UQCRC2: variants seen among roughly 807,000 people sequenced by gnomAD.
The protein encoded by UQCRC2 is ubiquinol-cytochrome c reductase core protein 2.
A neutral mutation model predicts 55.6 loss-of-function variants in UQCRC2; 49 were observed. The observed-to-expected ratio is 0.88, with a 90% CI of 0.70 to 1.12. The LOEUF (loss-of-function observed/expected upper bound fraction) is 1.12. UQCRC2 is among the 50% of genes most tolerant of loss of function. The pLI is 0.00. For missense variants in UQCRC2, 506 were observed against 547.8 expected, an observed-to-expected ratio of 0.92 and a Z score of 0.76; for synonymous variants, 193 against 192.0, an observed-to-expected ratio of 1.01 and a Z score of -0.04.
intron 10 of UQCRC2, 112 bp from the exon 11 acceptor site, chr16:21,973,784 A>G (rs1253792139): frequency 1.2e-6 from 1 of 850,028 alleles, no homozygotes; most frequent in Non-Finnish European, 1.9e-6. Flanking sequence ...TAAAATATTA[A>G]TCTATTTTGT....
chr16:21,962,545 T>G, intron 5 of UQCRC2, 29 bp downstream of exon 5: 5 of 1,613,998 alleles, frequency 3.1e-6, no homozygotes, highest in Non-Finnish European at 4.2e-6. Context: ...TTAGGACTTC[T>G]GCTTTGAAAG....
At position 21,962,779 on chromosome 16, in the gene UQCRC2, C is replaced by G. The variant is rs375667464; in HGVS notation, c.408C>G (p.Phe136Leu). Residue 136 changes from phenylalanine to leucine, a missense_variant, in exon 6 of 14, where the codon TTC becomes TTG. Transcript: ENST00000268379. ...LRGDVDILME[F>L]LLNVTTAPEF... is the part of the protein sequence containing the mutation. ...TCTGTAGTGATATTCTAATGGAGTT[C>G]CTGCTCAATGTCACCACAGCACCAG... 1.9e-6 allele frequency: 3 copies of G among 1,614,030 alleles called. No homozygotes were observed. The highest frequency in any genetic ancestry group is 2.5e-6 in the Non-Finnish European group (3 of 1,180,014).
intron 3 of UQCRC2, among the ~76,000 whole-genome samples, chr16:21,958,314 A>G (rs1363263787): frequency 6.6e-6 from 1 of 152,232 alleles, no homozygotes; most frequent in Non-Finnish European, 1.5e-5. Flanking sequence ...GAATCCAGTA[A>G]GCTTGTATTT....
chr16:21,961,726 A>G (rs1898211195), intron 4 of UQCRC2, among the ~76,000 whole-genome samples: 1 of 140,664 alleles, frequency 7.1e-6, no homozygotes, highest in Non-Finnish European at 1.5e-5. Flanking sequence ...ATCTTGGCTC[A>G]CTGTAACCTC....
chr16:21,969,874 G>GTT (rs541463462), intron 8 of UQCRC2, among the ~76,000 whole-genome samples: 1 of 143,662 alleles, frequency 7.0e-6, no homozygotes, highest in Non-Finnish European at 1.5e-5. Context: ...CTTTGTTTTT[G>GTT]TTTTTTTTTT....
Position 21,957,416 on chromosome 16 carries a change from G to T in UQCRC2, c.118-1G>T. On this transcript the variant is annotated splice_acceptor_variant, in intron 2 of 13. Coordinates refer to ENST00000268379, the MANE Select transcript of UQCRC2 (RefSeq NM_003366.4). LOFTEE classifies it high-confidence loss of function. ...ATATCTCTACTTTATTTTAAATACA[G>T]TTTACCAAGTTACCAAATGGCTTGG... The T allele has an allele frequency of 6.2e-7, 1 of 1,614,020 alleles. No homozygotes were observed. The highest frequency in any genetic ancestry group is 8.5e-7 in the Non-Finnish European group (1 of 1,180,000).
intron 3 of UQCRC2, 105 bp downstream of exon 3, chr16:21,957,671 G>C: frequency 6.8e-7 from 1 of 1,473,848 alleles, no homozygotes; most frequent in East Asian, 2.3e-5. Flanking sequence ...TCCTTGACCT[G>C]CCATAACAAA....
At chr16:21,954,769 C>T (rs1317414648) in intron 1 of UQCRC2, among the ~76,000 whole-genome samples, 1 of 151,916 alleles carries the variant, frequency 6.6e-6, no homozygotes, top group Admixed American at 6.6e-5. Context: ...ACCGGCGGAG[C>T]GCGATGGCTC....
rs757464251 is a variant in UQCRC2, at chr16:21,957,548, G to C, written c.249G>C (p.Leu83=). The C allele has an allele frequency of 3.1e-6, 5 of 1,614,118 alleles. No individual in the cohort carries two copies. Among genetic ancestry groups the C allele is most frequent in the Non-Finnish European group, 4.2e-6 (5 of 1,180,018 alleles). ...DFSNLGTTHL[L]RLTSSLTTKG... ...GCAATTTAGGAACCACCCATTTGCT[G>C]CGTCTTACATCCAGTCTGGTGAGTA... Residue 83 remains leucine, a synonymous_variant, in exon 3 of 14, where the codon CTG becomes CTC. Transcript: ENST00000268379.
chr16:21,975,521 A>G (rs1032480417), intron 11 of UQCRC2, among the ~76,000 whole-genome samples: 4 of 152,176 alleles, frequency 2.6e-5, no homozygotes, highest in Non-Finnish European at 5.9e-5. Flanking sequence ...GGGATGGAGA[A>G]AATCATGGTC....
chr16:21,958,471 A>G (rs1043409168), intron 3 of UQCRC2, 64 bp from the exon 4 acceptor site: 9 of 1,378,834 alleles, frequency 6.5e-6, no homozygotes, highest in Non-Finnish European at 9.3e-6. Context: ...ATTTTGATAT[A>G]GTGTGATGTT....
At chr16:21,968,536 G>A in intron 7 of UQCRC2, 92 bp from the exon 8 acceptor site, 5 of 1,168,448 alleles carry the variant, frequency 4.3e-6, no homozygotes, top group Non-Finnish European at 6.0e-6. Context: ...GGCCTTATAA[G>A]TATTTATTTT....
intron 7 of UQCRC2, among the ~76,000 whole-genome samples, chr16:21,966,387 A>G (rs911814766): frequency 1.3e-5 from 2 of 152,178 alleles, no homozygotes; most frequent in Admixed American, 1.3e-4. Context: ...TTTCCAAAAC[A>G]TGAAACATTG....
chr16:21,958,690 TTTC>T (rs1898134390), intron 4 of UQCRC2, 91 bp downstream of exon 4: 2 of 1,106,758 alleles, frequency 1.8e-6, no homozygotes, highest in South Asian at 2.8e-5. Context: ...AGGTTGAGGA[TTTC>T]TTAAGCAACA....
At chr16:21,975,525 C>A (rs1312273605) in intron 11 of UQCRC2, among the ~76,000 whole-genome samples, 2 of 152,152 alleles carry the variant, frequency 1.3e-5, no homozygotes, top group Non-Finnish European at 2.9e-5. Context: ...TGGAGAAAAT[C>A]ATGGTCAGAT....
Position 21,957,455 on chromosome 16 carries a change from G to A in UQCRC2, c.156G>A (p.Leu52=), listed in dbSNP as rs780691799. ...KLPNGLVIAS[L]ENYSPVSRIG... ...CAAATGGCTTGGTGATTGCTTCTTT[G>A]GAAAACTATTCTCCTGTATCAAGAA... The change falls in exon 3 of 14, where the codon TTG becomes TTA. Residue 52 remains leucine, a synonymous_variant. Transcript: ENST00000268379. 1 of 1,614,016 alleles carries A rather than the reference G, an allele frequency of 6.2e-7. No homozygotes were observed. The highest frequency in any genetic ancestry group is 2.2e-5 in the East Asian group (1 of 44,876).
chr16:21,981,478 G>A (rs1257903765), intron 13 of UQCRC2, among the ~76,000 whole-genome samples: 1 of 152,170 alleles, frequency 6.6e-6, no homozygotes, highest in Non-Finnish European at 1.5e-5. Context: ...ACTAAGCTGG[G>A]TGCAGTGGCT....
At chr16:21,964,854 G>A (rs1395939303) in intron 6 of UQCRC2, among the ~76,000 whole-genome samples, 2 of 152,184 alleles carry the variant, frequency 1.3e-5, no homozygotes, top group African/African-American at 4.8e-5. Flanking sequence ...GCATAGGCAA[G>A]TTGCCAGGTA....
intron 1 of UQCRC2, among the ~76,000 whole-genome samples, chr16:21,953,771 G>C (rs1230144967): frequency 6.6e-6 from 1 of 152,156 alleles, no homozygotes; most frequent in African/African-American, 2.4e-5. Flanking sequence ...GTGAAACCCA[G>C]GGGGAGCGGG....
Sources: allele counts gnomAD v4.1 joint callset (sites outside exome capture counted in the v4.1 genomes callset), GRCh38; gene constraint gnomAD v4.1.1; transcripts MANE v1.5; gene names NCBI Gene and HGNC (gene_info 2026-07-23, HGNC 2026-07-21).